SNX29: variants seen among roughly 807,000 people sequenced by gnomAD.
SNX29 encodes the protein sorting nexin-29.
In SNX29, 78 loss-of-function variants were observed where a neutral mutation model predicts 102.1. The observed-to-expected ratio is 0.76, with a 90% CI of 0.64 to 0.92. The LOEUF is 0.92. Among genes scored for constraint, SNX29 ranks in the 40% least tolerant of loss-of-function variants. The probability of loss-of-function intolerance (pLI) is 0.00; values close to 1 mark genes in which losing one functional copy is unlikely to be tolerated. For synonymous variants in SNX29, 580 were observed against 414.5 expected (o/e 1.40, Z -4.85); for missense variants, 1,280 against 1,061.7 (o/e 1.21, Z -2.86).
At chr16:12,431,899 C>G (rs1432458263) in intron 18 of SNX29, among the ~76,000 whole-genome samples, 3 of 152,188 alleles carry the variant, frequency 2.0e-5, no homozygotes, top group Non-Finnish European at 4.4e-5. Flanking sequence ...AACCAGGCAA[C>G]CAGTGAACCC....
chr16:12,494,957 T>C (rs116847065), intron 19 of SNX29, among the ~76,000 whole-genome samples: 2,035 of 152,302 alleles, frequency 0.013, 58 homozygotes, highest in East Asian at 0.11. Context: ...TGCCAAGGAC[T>C]GCCTGCGCAT....
At chr16:12,156,035 T>C (rs2055533932) in intron 13 of SNX29, among the ~76,000 whole-genome samples, 1 of 152,246 alleles carries the variant, frequency 6.6e-6, no homozygotes, top group Non-Finnish European at 1.5e-5. Context: ...TCTGGGCATA[T>C]TGGTCTCTTT....
intron 14 of SNX29, among the ~76,000 whole-genome samples, chr16:12,231,104 C>T (rs1200780832): frequency 4.6e-5 from 7 of 152,130 alleles, no homozygotes; most frequent in African/African-American, 1.7e-4. Flanking sequence ...CCTCCCACCT[C>T]GGCCTCCCAA....
intron 4 of SNX29, among the ~76,000 whole-genome samples, chr16:12,028,994 C>A (rs2057268294): frequency 6.6e-6 from 1 of 152,184 alleles, no homozygotes; most frequent in Non-Finnish European, 1.5e-5. Context: ...GATCTGCTCA[C>A]TTCGGCCTTC....
In SNX29 at chr16:12,557,015, A is replaced by ACACCCCCCCCCCCCCCCCCCC. The variant is rs66825746; in HGVS notation, c.2319-11490_2319-11489insACCCCCCCCCCCCCCCCCCCC. Among the ~76,000 whole-genome samples the ACACCCCCCCCCCCCCCCCCCC allele has an allele frequency of 1.6e-4, 5 of 31,832 alleles. 1 individual carries two copies. Among genetic ancestry groups the ACACCCCCCCCCCCCCCCCCCC allele is most frequent in the Admixed American group, 8.3e-4 (3 of 3,632 alleles). 20.9% of individuals were successfully genotyped at this position (31,832 alleles called of 152,430 possible). A position where few individuals can be genotyped will look rare whatever the true frequency, so the allele number is the denominator to read the frequency against. ...GGTACACACCACATCTGGCTAATTT[A>ACACCCCCCCCCCCCCCCCCCC]CCCCCCCCCCGCCCCAAGATGAGGT... On this transcript the variant is annotated intron_variant, in intron 20 of 20. Transcript: ENST00000566228.
At chr16:12,568,070 C>T (rs1399601124) in intron 20 of SNX29, among the ~76,000 whole-genome samples, 1 of 152,134 alleles carries the variant, frequency 6.6e-6, no homozygotes, top group Non-Finnish European at 1.5e-5. Flanking sequence ...AGGATTAATT[C>T]CACAGGAAGT....
chr16:12,267,330 G>A (rs182122661), intron 14 of SNX29, among the ~76,000 whole-genome samples: 1 of 152,150 alleles, frequency 6.6e-6, no homozygotes, highest in Admixed American at 6.5e-5. Context: ...TCCCAAGCGG[G>A]GGATTTTGAA....
At chr16:11,978,943 A>C (rs2055359374) in intron 1 of SNX29, among the ~76,000 whole-genome samples, 1 of 151,688 alleles carries the variant, frequency 6.6e-6, no homozygotes, top group South Asian at 2.1e-4. Flanking sequence ...CAAACAAACA[A>C]AAAAACAAAA....
intron 19 of SNX29, among the ~76,000 whole-genome samples, chr16:12,503,095 C>G (rs953484744): frequency 6.6e-6 from 1 of 152,180 alleles, no homozygotes; most frequent in Non-Finnish European, 1.5e-5. Context: ...AGGGAGGACC[C>G]TCCCATCCAC....
At chr16:12,270,580 C>T (rs1446452808) in intron 14 of SNX29, among the ~76,000 whole-genome samples, 1 of 152,204 alleles carries the variant, frequency 6.6e-6, no homozygotes, top group African/African-American at 2.4e-5. Flanking sequence ...AGATGTCTAA[C>T]CTGTTCAGTC....
intron 18 of SNX29, among the ~76,000 whole-genome samples, chr16:12,472,544 C>CAA (rs568390260): frequency 2.0e-4 from 23 of 115,640 alleles, no homozygotes; most frequent in East Asian, 8.3e-4. Flanking sequence ...AAAAAAAAAA[C>CAA]AAAAAAAAAA....
At chr16:12,499,226 G>A (rs1307798748) in intron 19 of SNX29, among the ~76,000 whole-genome samples, 1 of 152,198 alleles carries the variant, frequency 6.6e-6, no homozygotes, top group Non-Finnish European at 1.5e-5. Flanking sequence ...CAGCAGTACT[G>A]TTGGTGGCAG....
At chr16:12,516,335 C>G (rs1172549255) in intron 19 of SNX29, among the ~76,000 whole-genome samples, 2 of 152,042 alleles carry the variant, frequency 1.3e-5, no homozygotes, top group African/African-American at 4.8e-5. Flanking sequence ...TAAAAATTAG[C>G]CAGACGTGGT....
At chr16:12,395,662 A>G (rs1479341758) in intron 16 of SNX29, among the ~76,000 whole-genome samples, 1 of 152,194 alleles carries the variant, frequency 6.6e-6, no homozygotes, top group African/African-American at 2.4e-5. Flanking sequence ...GGTAAACTAA[A>G]GAGAAATCTG....
chr16:12,562,674 T>A (rs898910779), intron 20 of SNX29, among the ~76,000 whole-genome samples: 3 of 152,194 alleles, frequency 2.0e-5, no homozygotes, highest in African/African-American at 7.2e-5. Context: ...AGTCTAGATT[T>A]ACAGGCACTG....
At chr16:12,520,061 A>T (rs887002932) in intron 19 of SNX29, among the ~76,000 whole-genome samples, 1 of 152,226 alleles carries the variant, frequency 6.6e-6, no homozygotes, top group Non-Finnish European at 1.5e-5. Flanking sequence ...ACAGGCAGGA[A>T]TATAGCCTTC....
At position 12,169,394 on chromosome 16, in the gene SNX29, T is replaced by C. The variant is rs1457737775; in HGVS notation, c.1596-30207T>C. ...GTGGGAGCTGATCACGGGCTTCCTTTTCAGAAATGACCCCAGGAGGCCATG... is the reference window on the plus strand; with the variant it reads ...GTGGGAGCTGATCACGGGCTTCCTTCTCAGAAATGACCCCAGGAGGCCATG... On this transcript the variant is annotated intron_variant, in intron 13 of 20. Coordinates refer to ENST00000566228, the MANE Select transcript of SNX29 (RefSeq NM_032167.5). Among the ~76,000 whole-genome samples, 3 of 152,232 alleles carry C rather than the reference T, an allele frequency of 2.0e-5. No individual in the cohort carries two copies. The East Asian group carries it at 5.8e-4, about 30-fold the overall frequency.
chr16:12,529,758 C>G (rs976249312), intron 20 of SNX29, among the ~76,000 whole-genome samples: 2 of 152,082 alleles, frequency 1.3e-5, no homozygotes, highest in Non-Finnish European at 2.9e-5. Context: ...GCCTTGTTCT[C>G]CCAGTGAGCA....
chr16:12,558,499 T>G (rs2078514910), intron 20 of SNX29, among the ~76,000 whole-genome samples: 3 of 152,220 alleles, frequency 2.0e-5, no homozygotes, highest in African/African-American at 7.2e-5. Context: ...CATCTTTAGT[T>G]TTTAATGAGC....
Sources: gnomAD v4.1 joint callset for allele counts (sites outside exome capture counted in the v4.1 genomes callset) on GRCh38, gnomAD v4.1.1 for gene constraint, MANE v1.5 for transcripts, NCBI Gene and HGNC (gene_info 2026-07-23, HGNC 2026-07-21) for gene names.